Variants in CSMD3 observed in about 807,000 individuals in gnomAD.
CSMD3 encodes the protein CUB and sushi domain-containing protein 3.
In CSMD3, 177 loss-of-function variants were observed where a neutral mutation model predicts 435.2. The observed-to-expected ratio is 0.41, with a 90% CI of 0.36 to 0.46. CSMD3 has a LOEUF of 0.46. Ranked by LOEUF, CSMD3 falls within the 20% of genes least tolerant of loss-of-function variation. The pLI is 0.34. For synonymous variants in CSMD3, 1,656 were observed against 1,520.5 expected, an observed-to-expected ratio of 1.09 and a Z score of -2.07; for missense variants, 4,265 against 4,504.6, an observed-to-expected ratio of 0.95 and a Z score of 1.52.
At chr8:112,530,999 A>T (rs1056308766) in intron 27 of CSMD3, among the ~76,000 whole-genome samples, 1 of 151,828 alleles carries the variant, frequency 6.6e-6, no homozygotes, top group Non-Finnish European at 1.5e-5. Flanking sequence ...TGGGCTTATG[A>T]TGCAACCCAG....
intron 5 of CSMD3, among the ~76,000 whole-genome samples, chr8:113,086,061 C>A (rs574066251): frequency 3.1e-4 from 47 of 152,090 alleles, no homozygotes; most frequent in African/African-American, 9.9e-4. Context: ...CATGGTGAAA[C>A]CCCATATCTA....
At chr8:112,421,691 C>CTA (rs955643077) in intron 32 of CSMD3, among the ~76,000 whole-genome samples, 18 of 143,646 alleles carry the variant, frequency 1.3e-4, no homozygotes, top group South Asian at 6.5e-4. Flanking sequence ...ATATGTATAC[C>CTA]TATATATATA....
At chr8:113,066,342 T>C (rs1398193025) in intron 5 of CSMD3, among the ~76,000 whole-genome samples, 1 of 151,844 alleles carries the variant, frequency 6.6e-6, no homozygotes, top group African/African-American at 2.4e-5. Flanking sequence ...TAGTTTGTTA[T>C]GGAGTATGAA....
chr8:112,399,891 G>T (rs558528417), intron 35 of CSMD3, among the ~76,000 whole-genome samples: 20 of 152,188 alleles, frequency 1.3e-4, no homozygotes, highest in African/African-American at 4.6e-4. Flanking sequence ...TTAGTAAAAA[G>T]ATGTTGCCTT....
intron 38 of CSMD3, among the ~76,000 whole-genome samples, chr8:112,353,559 G>T (rs951346821): frequency 2.0e-5 from 3 of 152,070 alleles, no homozygotes; most frequent in Non-Finnish European, 2.9e-5. Flanking sequence ...AAAGGAAAAA[G>T]TTCCTGGAAA....
intron 1 of CSMD3, among the ~76,000 whole-genome samples, chr8:113,341,658 T>G (rs2094119636): frequency 6.6e-6 from 1 of 152,154 alleles, no homozygotes; most frequent in Non-Finnish European, 1.5e-5. Context: ...TAAAAAATGT[T>G]CAAATTTGAT....
chr8:112,296,767 A>C (rs1280896805), intron 53 of CSMD3, among the ~76,000 whole-genome samples: 8 of 151,940 alleles, frequency 5.3e-5, no homozygotes, highest in Non-Finnish European at 2.9e-5. Context: ...GGAAATATTT[A>C]AGATTACGAA....
chr8:113,248,869 A>G (rs533590893), intron 3 of CSMD3, among the ~76,000 whole-genome samples: 1 of 151,970 alleles, frequency 6.6e-6, no homozygotes, highest in Non-Finnish European at 1.5e-5. Flanking sequence ...TTTTAATGTA[A>G]CGGCGATTGC....
chr8:112,412,778 C>T (rs1002249586), intron 32 of CSMD3, among the ~76,000 whole-genome samples: 3 of 151,964 alleles, frequency 2.0e-5, no homozygotes, highest in Non-Finnish European at 4.4e-5. Context: ...CTATGATGTG[C>T]CAGGAACTGG....
intron 3 of CSMD3, among the ~76,000 whole-genome samples, chr8:113,214,865 T>A (rs967871546): frequency 1.3e-5 from 2 of 151,864 alleles, no homozygotes; most frequent in Non-Finnish European, 2.9e-5. Context: ...ATATATGGTG[T>A]TTCAGGTATT....
At chr8:112,956,517 A>G (rs546722413) in intron 7 of CSMD3, among the ~76,000 whole-genome samples, 5 of 152,264 alleles carry the variant, frequency 3.3e-5, no homozygotes, top group Admixed American at 3.3e-4. Context: ...CTGCATTATA[A>G]GATTTGACTT....
At chr8:113,124,092 T>C (rs2091058771) in intron 4 of CSMD3, among the ~76,000 whole-genome samples, 1 of 151,982 alleles carries the variant, frequency 6.6e-6, no homozygotes, top group Non-Finnish European at 1.5e-5. Flanking sequence ...AAATACGTGG[T>C]GGTTCATTCT....
At position 112,556,968 on chromosome 8, in the gene CSMD3, A is replaced by G. The variant is rs200472390; in HGVS notation, c.4043-14T>C. 3 of 1,590,544 alleles carry G rather than the reference A, an allele frequency of 1.9e-6. No individual in the cohort carries two copies. In the East Asian group the frequency reaches 6.7e-5, roughly 36 times the overall value. ...AGAGTTCAAAACCTGGGACAAAAAT[A>G]TAAATTGATTAAAGGCAAAATTTAG... On this transcript the variant is annotated splice_polypyrimidine_tract_variant and intron_variant, in intron 24 of 70. Transcript: ENST00000297405.
intron 31 of CSMD3, among the ~76,000 whole-genome samples, chr8:112,482,507 T>A (rs1819724650): frequency 6.6e-6 from 1 of 152,194 alleles, no homozygotes; most frequent in South Asian, 2.1e-4. Flanking sequence ...CCCAAAATAA[T>A]TTCAGTACCC....
intron 22 of CSMD3, among the ~76,000 whole-genome samples, chr8:112,591,271 A>T (rs1222389688): frequency 1.3e-5 from 2 of 152,136 alleles, no homozygotes; most frequent in Non-Finnish European, 2.9e-5. Context: ...AAATAATATG[A>T]TGATAAATGT....
intron 32 of CSMD3, among the ~76,000 whole-genome samples, chr8:112,446,089 G>A (rs1015704776): frequency 6.6e-6 from 1 of 152,118 alleles, no homozygotes; most frequent in Non-Finnish European, 1.5e-5. Flanking sequence ...GAGACTCAGA[G>A]AGATCAATGA....
intron 1 of CSMD3, among the ~76,000 whole-genome samples, chr8:113,343,854 G>A (rs919912017): frequency 3.9e-5 from 6 of 152,022 alleles, no homozygotes; most frequent in Admixed American, 2.0e-4. Context: ...GGTGGATCAC[G>A]AGGTCAGGAG....
chr8:113,267,602 GGAA>G (rs1387384675), intron 3 of CSMD3, among the ~76,000 whole-genome samples: 1 of 151,484 alleles, frequency 6.6e-6, no homozygotes, highest in African/African-American at 2.4e-5. Context: ...GGGTGAATGG[GGAA>G]GAAGGGGAGG....
chr8:112,339,501 A>G (rs1434781154), intron 42 of CSMD3, among the ~76,000 whole-genome samples: 2 of 152,070 alleles, frequency 1.3e-5, no homozygotes, highest in Admixed American at 6.6e-5. Flanking sequence ...TGTTTTCAAT[A>G]AATCTCTGCT....
Sources: allele counts gnomAD v4.1 joint callset (sites outside exome capture counted in the v4.1 genomes callset), GRCh38; gene constraint gnomAD v4.1.1; transcripts MANE v1.5; gene names NCBI Gene and HGNC (gene_info 2026-07-23, HGNC 2026-07-21).